BRD4: variants seen among roughly 807,000 people sequenced by gnomAD.
BRD4 encodes the protein bromodomain-containing protein 4.
BRD4 carries 16 observed loss-of-function variants against 142.1 expected under a neutral mutation model. The ratio of observed to expected loss-of-function variants is 0.11; its 90% CI spans 0.08 to 0.17. BRD4 has a LOEUF of 0.17. BRD4 is among the 10% of genes least tolerant of loss of function. BRD4 has a pLI of 1.00. For synonymous variants in BRD4, 833 were observed against 707.5 expected (o/e 1.18, Z -2.82); for missense variants, 1,424 against 1,810.9 (o/e 0.79, Z 3.88).
rs1055405627 is a variant in BRD4, at chr19:15,265,565, G to A, written c.638C>T (p.Pro213Leu). 5.0e-6 allele frequency: 8 copies of A among 1,614,092 alleles called. No homozygotes were observed. Among genetic ancestry groups the A allele is most frequent in the South Asian group, 3.3e-5 (3 of 91,088 alleles). ...STPPQTQTPQ[P>L]NPPPVQATPH... ...CGTGGCCTGCACAGGAGGAGGATTC[G>A]GCTGAGGGGTCTGGGTCTGCGGAGG... is the stretch of plus-strand genomic sequence containing the variant. The change falls in exon 5 of 20, where the codon CCG (proline) becomes CTG (leucine). Residue 213 changes from proline to leucine, a missense_variant. Physicochemically the swap from Pro to Leu is moderately conservative, Grantham distance 98. Around this residue, in one of 16 missense-constraint regions of BRD4, gnomAD observed 140 missense variants for 131.7 expected, o/e 1.06. Coordinates refer to ENST00000679869, the MANE Select transcript of BRD4 (RefSeq NM_001379291.1).
At position 15,236,843 on chromosome 19, in the gene BRD4, AAAAG is replaced by A. The variant is rs2047195412; in HGVS notation, c.*1530_*1533del. 5.4e-6 allele frequency: 1 copy of A among 185,350 alleles called. No homozygotes were observed. The highest frequency in any genetic ancestry group is 1.1e-5 in the Non-Finnish European group (1 of 87,590). 11.5% of individuals were successfully genotyped at this position (185,350 alleles called of 1,614,324 possible). On this transcript the variant is annotated 3_prime_UTR_variant, in exon 20 of 20. Transcript: ENST00000679869. The stretch of plus-strand genomic sequence containing the variant: ...ATGTCAGGGAGACGCCAGCATTAAA[AAAAG>A]AGAGATGTGTTTATTCCATGATCAG...
At chr19:15,283,270 AAGAC>A (rs1382460122) in intron 1 of BRD4, among the ~76,000 whole-genome samples, 3 of 152,152 alleles carry the variant, frequency 2.0e-5, no homozygotes, top group African/African-American at 4.8e-5. Context: ...TTAAGAGTGA[AAGAC>A]AGGTTTAGTT....
In BRD4 at chr19:15,254,281, G is replaced by A. The variant is rs2047382302; in HGVS notation, c.2048-19C>T. On this transcript the variant is annotated intron_variant, in intron 10 of 19. Transcript: ENST00000679869. ...TTCTCAGCTGCAATCCAAGCAATGG[G>A]AGCTGGTCAGGCAGGGCTGTGGCCC... The A allele has an allele frequency of 1.2e-6, 2 of 1,603,174 alleles. No individual in the cohort carries two copies. The highest frequency in any genetic ancestry group is 4.5e-5 in the East Asian group (2 of 44,826).
At chr19:15,251,319 G>T (rs576555444) in intron 11 of BRD4, among the ~76,000 whole-genome samples, 1 of 150,748 alleles carries the variant, frequency 6.6e-6, no homozygotes, top group Non-Finnish European at 1.5e-5. Flanking sequence ...GACTCCATTC[G>T]TTTTCTTCTG....
chr19:15,237,017 TAAAAA>T lies in BRD4; in HGVS notation c.*1355_*1359del. ...CACCAGGGGCTCCAATTATAAAAAT[TAAAAA>T]AAAAAAAAAAAAAAAGCATGGGCAG... On this transcript the variant is annotated 3_prime_UTR_variant, in exon 20 of 20. Transcript: ENST00000679869. The T allele has an allele frequency of 3.4e-5, 4 of 119,000 alleles. No individual in the cohort carries two copies. The highest frequency in any genetic ancestry group is 1.1e-4 in the East Asian group (1 of 9,362). The allele number at this position is 119,000 out of a possible 1,614,324, so 7.4% of individuals were successfully genotyped here. A position where few individuals can be genotyped will look rare whatever the true frequency, so the allele number is the denominator to read the frequency against.
chr19:15,251,717 C>T (rs1189347145), intron 11 of BRD4, among the ~76,000 whole-genome samples: 1 of 152,134 alleles, frequency 6.6e-6, no homozygotes, highest in Non-Finnish European at 1.5e-5. Flanking sequence ...GTTCCCATTT[C>T]GGGATCTGCC....
intron 2 of BRD4, 60 bp downstream of exon 2, chr19:15,272,755 G>C: frequency 6.6e-7 from 1 of 1,522,112 alleles, no homozygotes; most frequent in Non-Finnish European, 8.9e-7. Context: ...GCCCTGACCA[G>C]GAGACATGCA....
In BRD4 at chr19:15,294,675, G is replaced by GC. The variant is rs1039929880; in HGVS notation, c.-34-21543dup. 1.0e-3 allele frequency among the ~76,000 whole-genome samples: 153 copies of GC among 152,340 alleles called. 1 individual carries two copies. Among genetic ancestry groups the GC allele is most frequent in the African/African-American group, 3.6e-3 (151 of 41,582 alleles). On this transcript the variant is annotated intron_variant, in intron 1 of 19. Coordinates refer to ENST00000679869, the MANE Select transcript of BRD4 (RefSeq NM_001379291.1). ...TCGAGCCAATCATTGGGACTTCTCTGCCAGGTTCCCAGGGAAGAATGTTGT... is the reference window on the plus strand; with the variant it reads ...TCGAGCCAATCATTGGGACTTCTCTGCCCAGGTTCCCAGGGAAGAATGTTGT...
At chr19:15,327,969 A>G (rs2048124405) in intron 1 of BRD4, among the ~76,000 whole-genome samples, 1 of 149,492 alleles carries the variant, frequency 6.7e-6, no homozygotes, top group African/African-American at 2.5e-5. Context: ...ATGGCTGCAA[A>G]TCTCTGTAAA....
At chr19:15,298,935 C>G (rs2047846219) in intron 1 of BRD4, among the ~76,000 whole-genome samples, 1 of 152,184 alleles carries the variant, frequency 6.6e-6, no homozygotes, top group African/African-American at 2.4e-5. Flanking sequence ...ACTGCTGGCA[C>G]ATCGTGTCAC....
intron 11 of BRD4, chr19:15,248,953 T>C: frequency 2.1e-6 from 1 of 470,982 alleles, no homozygotes; most frequent in Non-Finnish European, 3.9e-6. Flanking sequence ...CATGAATGCA[T>C]GTGTTGGGGA....
intron 2 of BRD4, among the ~76,000 whole-genome samples, chr19:15,271,790 T>A (rs1157366688): frequency 6.6e-6 from 1 of 152,154 alleles, no homozygotes; most frequent in Non-Finnish European, 1.5e-5. Context: ...CCTGTTCTGA[T>A]TATCTTCCCC....
intron 1 of BRD4, among the ~76,000 whole-genome samples, chr19:15,276,272 G>A (rs2047645278): frequency 6.6e-6 from 1 of 152,214 alleles, no homozygotes; most frequent in South Asian, 2.1e-4. Context: ...GAGGTACAGT[G>A]AGAAGTCCTA....
chr19:15,273,096 A>G lies in BRD4; in HGVS notation c.4T>C (p.Ser2Pro). 1.3e-6 allele frequency: 2 copies of G among 1,587,162 alleles called. No individual in the cohort carries two copies. The highest frequency in any genetic ancestry group is 2.2e-5 in the East Asian group (1 of 44,650). The change falls in exon 2 of 20, where the codon TCT becomes CCT. Residue 2 changes from serine (S) to proline (P), a missense_variant. Physicochemically the swap from Ser to Pro is moderately conservative, Grantham distance 74 (BLOSUM62 -1). Around this residue, in one of 16 missense-constraint regions of BRD4, gnomAD observed 70 missense variants for 69.8 expected, o/e 1.00. Transcript: ENST00000679869. The stretch of plus-strand genomic sequence containing the variant: ...CTCGTCCCAGGGCCGCTCTCCGCAG[A>G]CATGCTAGTGATCCCATCACATTCT... M[S>P]AESGPGTRLR...
intron 11 of BRD4, chr19:15,248,551 G>C (rs963231030): frequency 2.2e-5 from 5 of 224,012 alleles, no homozygotes; most frequent in African/African-American, 1.1e-4. Context: ...TTGAGAAGAC[G>C]GAGGCCAAAG....
At chr19:15,321,298 G>A (rs1443151438) in intron 1 of BRD4, among the ~76,000 whole-genome samples, 2 of 146,244 alleles carry the variant, frequency 1.4e-5, no homozygotes, top group Non-Finnish European at 3.0e-5. Context: ...AGGAAGGAAG[G>A]AAGGGAAAGA....
At chr19:15,299,856 C>T (rs114955326) in intron 1 of BRD4, among the ~76,000 whole-genome samples, 54 of 152,274 alleles carry the variant, frequency 3.5e-4, no homozygotes, top group African/African-American at 1.2e-3. Context: ...TTAAGGTTCA[C>T]GAGGAAAACA....
chr19:15,329,556 T>C (rs954945616), intron 1 of BRD4, among the ~76,000 whole-genome samples: 1 of 151,904 alleles, frequency 6.6e-6, no homozygotes, highest in Non-Finnish European at 1.5e-5. Context: ...CTGGCCAATA[T>C]GATGAAACCC....
chr19:15,309,650 A>G (rs754383457), intron 1 of BRD4, among the ~76,000 whole-genome samples: 10 of 152,242 alleles, frequency 6.6e-5, no homozygotes, highest in Non-Finnish European at 1.3e-4. Context: ...GCCAAAAACT[A>G]GAAACCAAAA....
Sources: allele counts gnomAD v4.1 joint callset (sites outside exome capture counted in the v4.1 genomes callset), GRCh38; gene constraint gnomAD v4.1.1; regional missense constraint gnomAD v4.1.1; transcripts MANE v1.5; gene names NCBI Gene and HGNC (gene_info 2026-07-23, HGNC 2026-07-21).